Variants in ARHGEF18 observed in about 807,000 individuals in gnomAD.
The protein encoded by ARHGEF18 is Rho/Rac guanine nucleotide exchange factor 18, also known as rho guanine nucleotide exchange factor 18.
In ARHGEF18, 93 loss-of-function variants were observed where a neutral mutation model predicts 155.7. The observed-to-expected ratio is 0.60, with a 90% CI of 0.50 to 0.71. The LOEUF (loss-of-function observed/expected upper bound fraction) is 0.71, where lower values mean the gene tolerates loss of function less well. ARHGEF18 is among the 30% of genes least tolerant of loss of function. The probability of loss-of-function intolerance (pLI) is 0.00; values close to 1 mark genes in which losing one functional copy is unlikely to be tolerated. For synonymous variants in ARHGEF18, 742 were observed against 753.1 expected (o/e 0.99, Z 0.24); for missense variants, 1,593 against 1,816.1 (o/e 0.88, Z 2.23).
intron 10 of ARHGEF18, among the ~76,000 whole-genome samples, chr19:7,413,109 G>T (rs553642979): frequency 1.3e-5 from 2 of 152,026 alleles, no homozygotes; most frequent in South Asian, 4.2e-4. Flanking sequence ...ATATTTTTGG[G>T]GGCAGGATCA....
chr19:7,350,316 G>A (rs1000006809), intron 1 of ARHGEF18, among the ~76,000 whole-genome samples: 4 of 152,178 alleles, frequency 2.6e-5, no homozygotes, highest in Non-Finnish European at 5.9e-5. Flanking sequence ...ATGGAGCTAG[G>A]AAGTGACGCT....
chr19:7,426,377 C>T (rs1024624561), intron 10 of ARHGEF18, among the ~76,000 whole-genome samples: 1 of 151,238 alleles, frequency 6.6e-6, no homozygotes, highest in Non-Finnish European at 1.5e-5. Flanking sequence ...GTCCCGGCTA[C>T]TCAGGAGGCT....
intron 10 of ARHGEF18, among the ~76,000 whole-genome samples, chr19:7,438,107 C>T (rs1974389319): frequency 7.1e-6 from 1 of 140,592 alleles, no homozygotes; most frequent in African/African-American, 2.6e-5. Context: ...CCCTTCTCCT[C>T]CCCTCTTCTT....
chr19:7,453,027 C>G (rs1353768485), intron 16 of ARHGEF18, among the ~76,000 whole-genome samples: 1 of 151,838 alleles, frequency 6.6e-6, no homozygotes, highest in African/African-American at 2.4e-5. Context: ...GAAACCCCGT[C>G]TCTACTAAAA....
chr19:7,404,133 C>T (rs750679835), intron 10 of ARHGEF18, among the ~76,000 whole-genome samples: 3 of 152,166 alleles, frequency 2.0e-5, no homozygotes, highest in Admixed American at 6.6e-5. Context: ...GTGTGAGCCA[C>T]TGCACCTGGC....
At chr19:7,446,911 A>T in intron 14 of ARHGEF18, 132 bp from the exon 15 acceptor site, 12 of 856,804 alleles carry the variant, frequency 1.4e-5, no homozygotes, top group Non-Finnish European at 1.7e-5. Flanking sequence ...AAAAAAAAAA[A>T]GAAGAAGAAA....
intron 19 of ARHGEF18, among the ~76,000 whole-genome samples, 175 bp downstream of exon 19, chr19:7,458,865 C>T (rs566364708): frequency 3.9e-5 from 6 of 152,318 alleles, no homozygotes; most frequent in African/African-American, 1.4e-4. Context: ...TTGAGGCCAA[C>T]GGGCCCAGAA....
At chr19:7,396,390 G>A (rs1443537602) in intron 10 of ARHGEF18, among the ~76,000 whole-genome samples, 1 of 152,096 alleles carries the variant, frequency 6.6e-6, no homozygotes, top group African/African-American at 2.4e-5. Context: ...TTTTGCAGGT[G>A]TCTGAGTGAA....
intron 10 of ARHGEF18, among the ~76,000 whole-genome samples, chr19:7,398,886 T>TGGGCCA (rs890755510): frequency 2.6e-5 from 4 of 152,220 alleles, no homozygotes; most frequent in African/African-American, 9.6e-5. Flanking sequence ...TTGCCCTTTG[T>TGGGCCA]GGGCCAGGGC....
At chr19:7,435,403 G>A (rs1366267273) in intron 10 of ARHGEF18, among the ~76,000 whole-genome samples, 1 of 152,126 alleles carries the variant, frequency 6.6e-6, no homozygotes, top group Non-Finnish European at 1.5e-5. Context: ...ACACCACACA[G>A]GGGCCACATG....
chr19:7,478,925 G>A, the ARHGEF18 span, among the ~76,000 whole-genome samples: 1 of 152,136 alleles, frequency 6.6e-6, no homozygotes, highest in African/African-American at 2.4e-5. Context: ...CTACCCAGTG[G>A]GCAGCCTCTG....
chr19:7,441,812 C>T (rs752870691), intron 12 of ARHGEF18, 47 bp downstream of exon 12: 16 of 1,612,688 alleles, frequency 9.9e-6, no homozygotes, highest in Admixed American at 5.0e-5. Context: ...GTTCCTGTCT[C>T]TCCTGGGAAG....
chr19:7,473,556 A>C (rs1269642113), downstream of ARHGEF18, among the ~76,000 whole-genome samples: 7 of 152,232 alleles, frequency 4.6e-5, no homozygotes, highest in Middle Eastern at 3.4e-3. Context: ...TCACGCGTGT[A>C]ATCCCAGCAC....
At position 7,395,177 on chromosome 19, in the gene ARHGEF18, G is replaced by A. The variant is rs912481194; in HGVS notation, c.967+11974G>A. ...ACTGTGGATCTGGGGGGGCCGGACGGAGGCATCGGAGGCGGCTGCGAGAGT... is the reference window on the plus strand; with the variant it reads ...ACTGTGGATCTGGGGGGGCCGGACGAAGGCATCGGAGGCGGCTGCGAGAGT... On this transcript the variant is annotated intron_variant, in intron 10 of 28. Coordinates refer to ENST00000668164, the MANE Select transcript of ARHGEF18 (RefSeq NM_001367823.1). The surrounding 1 kb of genome is among the most constrained non-coding windows in gnomAD (Gnocchi z 5.0). The A allele has an allele frequency of 5.8e-5, 57 of 986,028 alleles. No individual in the cohort carries two copies. The highest frequency in any genetic ancestry group is 6.5e-5 in the Non-Finnish European group (54 of 830,508). The allele number at this position is 986,028 out of a possible 1,614,324, so 61.1% of individuals were successfully genotyped here.
At chr19:7,379,295 A>G in intron 7 of ARHGEF18, 129 bp downstream of exon 7, 1 of 807,924 alleles carries the variant, frequency 1.2e-6, no homozygotes, top group South Asian at 6.2e-5. Context: ...ACAGTGGCTC[A>G]CGCCTGTAAT....
rs34609858 is a variant in ARHGEF18 at position 7,431,510 on chromosome 19, C to CAAAA, written c.968-8814_968-8811dup. ...TGGACGACAGAGTGAGACTCCATCT[C>CAAAA]AAAAAAAAAAAAAAAAAAAAAAAGG... On this transcript the variant is annotated intron_variant, in intron 10 of 28. Coordinates refer to ENST00000668164, the MANE Select transcript of ARHGEF18 (RefSeq NM_001367823.1). Among the ~76,000 whole-genome samples, 110 of 51,270 alleles carry CAAAA rather than the reference C, an allele frequency of 2.1e-3. 5 individuals are homozygous for CAAAA. Among genetic ancestry groups the CAAAA allele is most frequent in the African/African-American group, 7.2e-3 (91 of 12,612 alleles). The allele number at this position is 51,270 out of a possible 152,430, so 33.6% of individuals were successfully genotyped here. A position where few individuals can be genotyped will look rare whatever the true frequency, so the allele number is the denominator to read the frequency against.
chr19:7,439,283 C>G (rs1381250907), intron 10 of ARHGEF18, among the ~76,000 whole-genome samples: 1 of 149,986 alleles, frequency 6.7e-6, no homozygotes, highest in East Asian at 2.0e-4. Context: ...TAGTGAGACC[C>G]CCCCCCAACC....
At position 7,472,010 on chromosome 19, in the gene ARHGEF18, A is replaced by G. The variant is rs1386868619; in HGVS notation, c.*1712A>G. ...TGTACTGAGTATCGGAGCACTTTAC[A>G]GAAGCTGACTGTACATTCCTGTTCT... On this transcript the variant is annotated 3_prime_UTR_variant, in exon 29 of 29. Coordinates refer to ENST00000668164, the MANE Select transcript of ARHGEF18 (RefSeq NM_001367823.1). 2.6e-5 allele frequency: 4 copies of G among 152,476 alleles called. No homozygotes were observed. Among genetic ancestry groups the G allele is most frequent in the Non-Finnish European group, 5.9e-5 (4 of 68,080 alleles). The allele number at this position is 152,476 out of a possible 1,614,324, so 9.4% of individuals were successfully genotyped here.
chr19:7,440,088 G>C lies in ARHGEF18; in HGVS notation c.968-256G>C. ...GCCTGGCGCCGCGCCGGGTCCCGGA[G>C]CCCCGGGCGCGAACATGGGGAATGC... On this transcript the variant is annotated intron_variant, in intron 10 of 28. Coordinates refer to ENST00000668164, the MANE Select transcript of ARHGEF18 (RefSeq NM_001367823.1). The surrounding 1 kb of genome is among the most constrained non-coding windows in gnomAD (Gnocchi z 5.4). 2 of 1,550,406 alleles carry C rather than the reference G, an allele frequency of 1.3e-6. No individual in the cohort carries two copies.
Sources: allele counts gnomAD v4.1 joint callset (sites outside exome capture counted in the v4.1 genomes callset), GRCh38; gene constraint gnomAD v4.1.1; non-coding constraint Gnocchi (gnomAD v3.1); transcripts MANE v1.5; gene names NCBI Gene and HGNC (gene_info 2026-07-23, HGNC 2026-07-21).